The following FRMD4B variants were observed in gnomAD, a reference collection of about 807,000 sequenced individuals.
FRMD4B encodes FERM domain containing 4B, also known as FERM domain-containing protein 4B.
FRMD4B carries 74 observed loss-of-function variants against 141.5 expected under a neutral mutation model. The ratio of observed to expected loss-of-function variants is 0.52; its 90% CI spans 0.43 to 0.63. The LOEUF is 0.63. Ranked by LOEUF, FRMD4B falls within the 30% of genes least tolerant of loss-of-function variation. The pLI, the probability that FRMD4B is intolerant of heterozygous loss-of-function variation, is 0.00. For synonymous variants in FRMD4B, 506 were observed against 467.9 expected (o/e 1.08, Z -1.05); for missense variants, 1,366 against 1,253.4 (o/e 1.09, Z -1.36).
chr3:69,519,960 C>G (rs771496553), intron 1 of FRMD4B, among the ~76,000 whole-genome samples: 12 of 141,856 alleles, frequency 8.5e-5, no homozygotes, highest in Non-Finnish European at 1.2e-4. Context: ...GCTGAGAATG[C>G]CATTAATTCA....
intron 1 of FRMD4B, among the ~76,000 whole-genome samples, chr3:69,541,797 C>A (rs951376032): frequency 6.6e-6 from 1 of 151,638 alleles, no homozygotes; most frequent in African/African-American, 2.4e-5. Flanking sequence ...TTTCCCCCCC[C>A]TCTTTTCGCT....
chr3:69,502,082 A>G (rs1351832474), intron 1 of FRMD4B, among the ~76,000 whole-genome samples: 1 of 152,216 alleles, frequency 6.6e-6, no homozygotes, highest in Non-Finnish European at 1.5e-5. Context: ...GGAAGAATCA[A>G]TATCGTGAAA....
At chr3:69,268,729 A>C (rs990583346) in intron 5 of FRMD4B, among the ~76,000 whole-genome samples, 4 of 151,952 alleles carry the variant, frequency 2.6e-5, no homozygotes, top group African/African-American at 9.7e-5. Context: ...GCCCTGGTAA[A>C]GTAGGTATCC....
chr3:69,372,127 C>T (rs530306209), intron 1 of FRMD4B, among the ~76,000 whole-genome samples: 3 of 152,160 alleles, frequency 2.0e-5, no homozygotes, highest in African/African-American at 7.2e-5. Flanking sequence ...CTGCCATTAA[C>T]TCCACTTGGA....
intron 1 of FRMD4B, among the ~76,000 whole-genome samples, chr3:69,326,549 T>C (rs1575733813): frequency 6.6e-6 from 1 of 152,230 alleles, no homozygotes; most frequent in Non-Finnish European, 1.5e-5. Context: ...GCCTATGCCA[T>C]CTGCTTTTAC....
chr3:69,412,753 C>T (rs1012196013), intron 2 of FRMD4B, among the ~76,000 whole-genome samples: 2 of 149,770 alleles, frequency 1.3e-5, no homozygotes, highest in Middle Eastern at 3.5e-3. Flanking sequence ...AGGGTTAATT[C>T]GTCATGTTGA....
At chr3:69,359,287 A>T (rs1703408531) in intron 1 of FRMD4B, among the ~76,000 whole-genome samples, 1 of 152,210 alleles carries the variant, frequency 6.6e-6, no homozygotes, top group Non-Finnish European at 1.5e-5. Flanking sequence ...TTAAGACTGG[A>T]GGTCAGGAAA....
chr3:69,248,552 T>A (rs143288503), intron 7 of FRMD4B, among the ~76,000 whole-genome samples: 3 of 152,326 alleles, frequency 2.0e-5, no homozygotes, highest in Non-Finnish European at 4.4e-5. Context: ...AGTCGAACAT[T>A]AACATCGTAG....
intron 1 of FRMD4B, among the ~76,000 whole-genome samples, chr3:69,504,980 G>A (rs1034223379): frequency 1.3e-5 from 2 of 152,162 alleles, no homozygotes; most frequent in Non-Finnish European, 2.9e-5. Context: ...GATGCCTGGA[G>A]ATATTTGCAA....
intron 2 of FRMD4B, among the ~76,000 whole-genome samples, chr3:69,399,766 C>T (rs1261595575): frequency 6.6e-6 from 1 of 152,196 alleles, no homozygotes; most frequent in Non-Finnish European, 1.5e-5. Context: ...TGCCCCATCA[C>T]TGCCGCTTAA....
chr3:69,325,519 C>T (rs1702163547), intron 1 of FRMD4B, among the ~76,000 whole-genome samples: 2 of 152,168 alleles, frequency 1.3e-5, no homozygotes, highest in South Asian at 4.1e-4. Flanking sequence ...CAGGAGACAC[C>T]AGCCTAGTGT....
At chr3:69,229,270 C>T (rs777323459) in intron 7 of FRMD4B, among the ~76,000 whole-genome samples, 5 of 152,084 alleles carry the variant, frequency 3.3e-5, no homozygotes, top group African/African-American at 1.2e-4. Context: ...CAGCAACCTT[C>T]CTGCCTTAGC....
chr3:69,314,031 C>T (rs1000719808), intron 1 of FRMD4B, among the ~76,000 whole-genome samples: 4 of 142,384 alleles, frequency 2.8e-5, no homozygotes, highest in African/African-American at 1.1e-4. Flanking sequence ...CCCAGCTACT[C>T]GGGAGGCTGA....
At chr3:69,189,222 CAAAAAA>C (rs71115659) in intron 18 of FRMD4B, among the ~76,000 whole-genome samples, 5 of 39,774 alleles carry the variant, frequency 1.3e-4, no homozygotes, top group South Asian at 1.4e-3. Context: ...AACTCCATCT[CAAAAAA>C]AAAAAAAAAA....
At chr3:69,464,804 A>G (rs1279131317) in intron 1 of FRMD4B, among the ~76,000 whole-genome samples, 1 of 152,214 alleles carries the variant, frequency 6.6e-6, no homozygotes, top group Admixed American at 6.5e-5. Flanking sequence ...TCTCGATCCA[A>G]CTACCAACAA....
At chr3:69,248,549 C>A (rs1012109738) in intron 7 of FRMD4B, among the ~76,000 whole-genome samples, 4 of 152,216 alleles carry the variant, frequency 2.6e-5, no homozygotes, top group Non-Finnish European at 5.9e-5. Context: ...AGGAGTCGAA[C>A]ATTAACATCG....
intron 1 of FRMD4B, among the ~76,000 whole-genome samples, chr3:69,539,097 T>C (rs1575605162): frequency 6.6e-6 from 1 of 152,122 alleles, no homozygotes; most frequent in South Asian, 2.1e-4. Flanking sequence ...GAGCGAGAGA[T>C]CACTTGCAGT....
At chr3:69,260,327 G>A (rs934502301) in intron 5 of FRMD4B, among the ~76,000 whole-genome samples, 4 of 152,240 alleles carry the variant, frequency 2.6e-5, no homozygotes, top group Non-Finnish European at 5.9e-5. Flanking sequence ...GAGTCAGCAC[G>A]AGTTCCGGGT....
upstream of FRMD4B, chr3:69,386,102 T>C: frequency 2.0e-6 from 2 of 980,218 alleles, no homozygotes; most frequent in South Asian, 4.0e-5. Context: ...AGCCGGGGGG[T>C]CAAGCCTGCC....
Sources: gnomAD v4.1 joint callset for allele counts (sites outside exome capture counted in the v4.1 genomes callset) on GRCh38, gnomAD v4.1.1 for gene constraint, MANE v1.5 for transcripts, NCBI Gene and HGNC (gene_info 2026-07-23, HGNC 2026-07-21) for gene names.